TBC1D5: variants seen among roughly 807,000 people sequenced by gnomAD.
TBC1D5 encodes the protein TBC1 domain family member 5, also known as TBC1 domain family, member 5.
A neutral mutation model predicts 100.3 loss-of-function variants in TBC1D5; 75 were observed. That is an observed-to-expected ratio of 0.75 (90% CI 0.62 to 0.91). The LOEUF is 0.91. Among genes scored for constraint, TBC1D5 ranks in the 40% least tolerant of loss-of-function variants. The probability of loss-of-function intolerance (pLI) is 0.00; values close to 1 mark genes in which losing one functional copy is unlikely to be tolerated. For missense variants in TBC1D5, 910 were observed against 942.4 expected, an observed-to-expected ratio of 0.97 and a Z score of 0.45; for synonymous variants, 323 against 325.6, an observed-to-expected ratio of 0.99 and a Z score of 0.09.
intron 3 of TBC1D5, among the ~76,000 whole-genome samples, chr3:17,447,385 T>C (rs1444720667): frequency 6.6e-6 from 1 of 152,072 alleles, no homozygotes; most frequent in East Asian, 1.9e-4. Context: ...GTTGAATATA[T>C]AAGAGTTGAG....
intron 3 of TBC1D5, among the ~76,000 whole-genome samples, chr3:17,437,967 T>C (rs1411186905): frequency 6.6e-6 from 1 of 152,184 alleles, no homozygotes; most frequent in African/African-American, 2.4e-5. Context: ...TATGATCTCA[T>C]TTTCCAGCAA....
At chr3:17,238,347 C>T in exon 17 of TBC1D5, 1 of 1,613,938 alleles carries the variant, frequency 6.2e-7, no homozygotes, top group Non-Finnish European at 8.5e-7. Flanking sequence ...CTGGGGAAAT[C>T]AACTTTCTTC....
intron 4 of TBC1D5, among the ~76,000 whole-genome samples, chr3:17,415,152 T>A (rs559958862): frequency 6.6e-6 from 1 of 152,246 alleles, no homozygotes; most frequent in South Asian, 2.1e-4. Context: ...CTCTCCTTTT[T>A]ATTATTTATT....
At chr3:17,215,907 T>C (rs1376164254) in intron 17 of TBC1D5, among the ~76,000 whole-genome samples, 4 of 152,162 alleles carry the variant, frequency 2.6e-5, no homozygotes, top group Non-Finnish European at 5.9e-5. Context: ...GAGTCCCTGA[T>C]TGTCCCTGAT....
intron 1 of TBC1D5, among the ~76,000 whole-genome samples, chr3:17,736,405 C>T (rs2076968434): frequency 6.6e-6 from 1 of 152,144 alleles, no homozygotes; most frequent in South Asian, 2.1e-4. Context: ...CAATTTGACC[C>T]AAGTCTTCCT....
chr3:17,560,556 C>T (rs551492968), intron 2 of TBC1D5, among the ~76,000 whole-genome samples: 1 of 142,564 alleles, frequency 7.0e-6, no homozygotes, highest in East Asian at 2.1e-4. Context: ...GAGTTGAAGG[C>T]TGCAGTGAGC....
At chr3:17,222,577 C>A (rs78471640) in intron 17 of TBC1D5, among the ~76,000 whole-genome samples, 1 of 152,256 alleles carries the variant, frequency 6.6e-6, no homozygotes, top group East Asian at 1.9e-4. Flanking sequence ...ACTTAAATGT[C>A]TTCCGGCCTT....
intron 13 of TBC1D5, among the ~76,000 whole-genome samples, chr3:17,348,640 A>G (rs749654523): frequency 4.6e-5 from 7 of 152,068 alleles, no homozygotes; most frequent in Non-Finnish European, 8.8e-5. Context: ...GGGTCAATCT[A>G]CTGGCCACAG....
chr3:17,280,665 C>T (rs1435340888), intron 15 of TBC1D5, among the ~76,000 whole-genome samples: 4 of 152,176 alleles, frequency 2.6e-5, no homozygotes, highest in East Asian at 3.9e-4. Context: ...CTCAGCTCCC[C>T]TTCCCACTGA....
At chr3:17,212,640 G>A (rs1300935646) in intron 18 of TBC1D5, among the ~76,000 whole-genome samples, 2 of 152,006 alleles carry the variant, frequency 1.3e-5, no homozygotes, top group South Asian at 2.1e-4. Context: ...GGGACAAAAC[G>A]TGGAGGTGGA....
chr3:17,416,391 T>C (rs1267508943), intron 4 of TBC1D5, among the ~76,000 whole-genome samples: 9 of 152,206 alleles, frequency 5.9e-5, no homozygotes, highest in African/African-American at 2.2e-4. Context: ...TAGCTTCATA[T>C]TGCCAGTAGT....
intron 16 of TBC1D5, among the ~76,000 whole-genome samples, chr3:17,241,864 T>TA (rs1025576289): frequency 5.3e-5 from 8 of 152,162 alleles, no homozygotes; most frequent in Admixed American, 3.3e-4. Context: ...TATAAATGTT[T>TA]AAAAAAAACC....
At chr3:17,282,420 T>A (rs754564266) in intron 15 of TBC1D5, among the ~76,000 whole-genome samples, 4 of 152,212 alleles carry the variant, frequency 2.6e-5, no homozygotes, top group Non-Finnish European at 5.9e-5. Context: ...TTGTAAGACA[T>A]CAAATAAAAT....
At chr3:17,674,372 G>C (rs1048797927) in intron 1 of TBC1D5, among the ~76,000 whole-genome samples, 2 of 152,032 alleles carry the variant, frequency 1.3e-5, no homozygotes, top group African/African-American at 2.4e-5. Context: ...GAAAATATGA[G>C]AGATATTAAT....
chr3:17,238,077 A>C, intron 17 of TBC1D5, 86 bp downstream of exon 17: 38 of 1,495,128 alleles, frequency 2.5e-5, no homozygotes, highest in African/African-American at 4.2e-5. Context: ...TTTCTATTCT[A>C]GGAGATTGGT....
intron 14 of TBC1D5, among the ~76,000 whole-genome samples, chr3:17,307,643 T>A (rs532652042): frequency 6.6e-6 from 1 of 152,332 alleles, no homozygotes; most frequent in South Asian, 2.1e-4. Context: ...ATTCCCTACC[T>A]GTCAGAAGGT....
chr3:17,276,653 G>A (rs2080044460), intron 15 of TBC1D5, among the ~76,000 whole-genome samples: 1 of 152,154 alleles, frequency 6.6e-6, no homozygotes, highest in African/African-American at 2.4e-5. Context: ...CTTAGAGAGA[G>A]CCATCTCAAT....
chr3:17,295,550 G>T (rs1451165809), intron 14 of TBC1D5, among the ~76,000 whole-genome samples: 2 of 152,206 alleles, frequency 1.3e-5, no homozygotes, highest in Non-Finnish European at 2.9e-5. Context: ...AGTGAAATCA[G>T]TAATGATATG....
At position 17,527,817 on chromosome 3, in the gene TBC1D5, T is replaced by C. The variant is rs369481445; in HGVS notation, c.-35-19212A>G. Among the ~76,000 whole-genome samples, 36 of 152,282 alleles carry C rather than the reference T, an allele frequency of 2.4e-4. No individual in the cohort carries two copies. In the East Asian group the frequency reaches 5.6e-3, roughly 24 times the overall value. On this transcript the variant is annotated intron_variant, in intron 2 of 21. Transcript: ENST00000253692. ...AATCTTCAAGATGTTTCTCATATTT[T>C]TGGAGAAATAAAAACATCTGCACAA... is the stretch of plus-strand genomic sequence containing the variant.
Sources: gnomAD v4.1 joint callset for allele counts (sites outside exome capture counted in the v4.1 genomes callset) on GRCh38, gnomAD v4.1.1 for gene constraint, MANE v1.5 for transcripts, NCBI Gene and HGNC (gene_info 2026-07-23, HGNC 2026-07-21) for gene names.